Variants in KLC3 observed in about 807,000 individuals in gnomAD.
KLC3 encodes kinesin light chain 3, also known as kinesin light chain 2.
KLC3 carries 72 observed loss-of-function variants against 62.9 expected under a neutral mutation model. The observed-to-expected ratio is 1.15, with a 90% CI of 0.95 to 1.39. The LOEUF is 1.39. KLC3 is among the 40% of genes most tolerant of loss of function. KLC3 has a pLI of 0.00. For missense variants in KLC3, 848 were observed against 691.6 expected (o/e 1.23, Z -2.54); for synonymous variants, 377 against 300.5 (o/e 1.25, Z -2.63).
chr19:45,342,564 G>A lies in KLC3; in HGVS notation c.-9+1718G>A, dbSNP rs531313660. 1.8e-3 allele frequency among the ~76,000 whole-genome samples: 278 copies of A among 152,260 alleles called. 1 individual carries two copies. The highest frequency in any genetic ancestry group is 6.5e-3 in the African/African-American group (270 of 41,562). ...GTGGATCATTTGAGGTCAGGAGTTT[G>A]AGACCAGCCCGGCCAACATGGTGAA... On this transcript the variant is annotated intron_variant, in intron 1 of 12. Coordinates refer to ENST00000391946, the MANE Select transcript of KLC3 (RefSeq NM_177417.3).
intron 12 of KLC3, 28 bp downstream of exon 12, chr19:45,351,045 G>A (rs1189623081): frequency 6.2e-7 from 1 of 1,613,920 alleles, no homozygotes; most frequent in African/African-American, 1.3e-5. Flanking sequence ...GTCAAAAATA[G>A]AGGAGGCCAT....
intron 5 of KLC3, 57 bp downstream of exon 5, chr19:45,348,217 C>A: frequency 6.9e-7 from 1 of 1,451,752 alleles, no homozygotes; most frequent in Non-Finnish European, 9.4e-7. Flanking sequence ...CCATTGGGTG[C>A]AAGTGGAAGG....
At chr19:45,347,920 A>AG in intron 4 of KLC3, 21 bp from the exon 5 acceptor site, 1 of 1,572,502 alleles carries the variant, frequency 6.4e-7, no homozygotes, top group Non-Finnish European at 8.7e-7. Flanking sequence ...AGTGACCCAG[A>AG]GCCCACCCCA....
At chr19:45,347,559 G>A (rs1436926893) in intron 4 of KLC3, 43 bp downstream of exon 4, 1 of 1,551,702 alleles carries the variant, frequency 6.4e-7, no homozygotes, top group South Asian at 1.2e-5. Context: ...GCAGGCCAGG[G>A]TGGGGAGGGG....
In KLC3 at chr19:45,350,061, G is replaced by A. The variant is rs897317240; in HGVS notation, c.1144-280G>A. On this transcript the variant is annotated intron_variant, in intron 8 of 12. Transcript: ENST00000391946. ...CATCCCCAGGGCAGGAAGTAAGGCC[G>A]AGCTCCAAACCCACTCTGCCCCAGG... The A allele has an allele frequency of 2.7e-4, 128 of 479,748 alleles. 2 individuals are homozygous for A. The highest frequency in any genetic ancestry group is 3.9e-4 in the Non-Finnish European group (105 of 267,630). 29.7% of individuals were successfully genotyped at this position (479,748 alleles called of 1,614,324 possible).
intron 1 of KLC3, among the ~76,000 whole-genome samples, chr19:45,341,572 T>C (rs1417078286): frequency 7.1e-5 from 9 of 127,218 alleles, no homozygotes; most frequent in South Asian, 5.5e-4. Flanking sequence ...TGTGTGTGTG[T>C]GTGTGTGCGC....
chr19:45,342,611 C>G (rs1362003976), intron 1 of KLC3, among the ~76,000 whole-genome samples: 1 of 151,860 alleles, frequency 6.6e-6, no homozygotes, highest in Non-Finnish European at 1.5e-5. Context: ...ACTAAAAATA[C>G]AAAAATTAGC....
Position 45,345,780 on chromosome 19 carries a change from T to TG in KLC3, c.243dup (p.Leu82AlafsTer85), listed in dbSNP as rs1971476805. ...AGCCACTCGCTGGAGGCCATCGAGC[T>TG]GGGGCTGGGCGAGGCCCAGGTATGA... On this transcript the variant is annotated frameshift_variant, in exon 2 of 13. Coordinates refer to ENST00000391946, the MANE Select transcript of KLC3 (RefSeq NM_177417.3). LOFTEE classifies it high-confidence loss of function. 9 of 1,533,764 alleles carry TG rather than the reference T, an allele frequency of 5.9e-6. No homozygotes were observed. The highest frequency in any genetic ancestry group is 2.0e-5 in the Admixed American group (1 of 49,508).
intron 7 of KLC3, 120 bp from the exon 8 acceptor site, chr19:45,349,309 T>G: frequency 2.9e-6 from 3 of 1,037,526 alleles, no homozygotes; most frequent in Non-Finnish European, 4.2e-6. Flanking sequence ...GCCCCCAACC[T>G]CTCAGGTCAC....
rs1436818341 is a variant in KLC3 at position 45,350,383 on chromosome 19, G to A, written c.1186G>A (p.Glu396Lys). The change falls in exon 9 of 13, where the codon GAG (glutamate) becomes AAG (lysine). Residue 396 changes from glutamate to lysine, a missense_variant. Coordinates refer to ENST00000391946, the MANE Select transcript of KLC3 (RefSeq NM_177417.3). ...LKQNKYQQAEELYKEILHKED... is the reference protein window; with the variant it reads ...LKQNKYQQAEKLYKEILHKED... ...ACAGAACAAGTATCAACAAGCGGAA[G>A]AGCTGTACAAAGAAATCCTCCACAA... 6 of 1,613,758 alleles carry A rather than the reference G, an allele frequency of 3.7e-6. No individual in the cohort carries two copies. Among genetic ancestry groups the A allele is most frequent in the South Asian group, 3.3e-5 (3 of 91,042 alleles).
At chr19:45,350,809 C>A in intron 11 of KLC3, 62 bp downstream of exon 11, 1 of 1,364,840 alleles carries the variant, frequency 7.3e-7, no homozygotes, top group South Asian at 1.3e-5. Flanking sequence ...CCCACCCCAC[C>A]CCCACCCCCA....
intron 12 of KLC3, 77 bp downstream of exon 12, chr19:45,351,094 G>C (rs752696030): frequency 1.2e-6 from 2 of 1,611,068 alleles, no homozygotes; most frequent in Admixed American, 1.7e-5. Flanking sequence ...CAGGGCGGTC[G>C]GGCCAGTGGT....
At position 45,347,513 on chromosome 19, in the gene KLC3, A is replaced by T. The variant is rs1971532410; in HGVS notation, c.556A>T (p.Lys186Ter). ...GTTCCCCAGCGAGGAGGAGGAGAGG[A>T]AAGGTGGGTGTTGGGAGTACATGCC... ...SLFPSEEEER[K>*]GPEAAGAAAA... Residue 186 changes from lysine (K) to a stop codon, truncating the protein, a stop_gained, in exon 4 of 13, where the codon AAA (lysine) becomes TAA (stop). Coordinates refer to ENST00000391946, the MANE Select transcript of KLC3 (RefSeq NM_177417.3). LOFTEE classifies it high-confidence loss of function. 1 of 1,611,244 alleles carries T rather than the reference A, an allele frequency of 6.2e-7. No homozygotes were observed. Among genetic ancestry groups the T allele is most frequent in the Non-Finnish European group, 8.5e-7 (1 of 1,178,836 alleles).
In KLC3 at chr19:45,351,338, A is replaced by C. The variant is rs1244840977; in HGVS notation, c.1496A>C (p.Gln499Pro). The change falls in exon 13 of 13, where the codon CAG becomes CCG. Residue 499 changes from glutamine (Q) to proline (P), a missense_variant. Coordinates refer to ENST00000391946, the MANE Select transcript of KLC3 (RefSeq NM_177417.3). ...CCTCGGACCCTCAGCGCCAGCACCC[A>C]GGACCTGAGCCCCCACTAACGTCCA... ...KAPRTLSAST[Q>P]DLSPH 8 of 1,611,738 alleles carry C rather than the reference A, an allele frequency of 5.0e-6. No individual in the cohort carries two copies. In the Admixed American group the frequency reaches 1.3e-4, roughly 27 times the overall value.
At chr19:45,349,176 C>T (rs546028448) in intron 7 of KLC3, among the ~76,000 whole-genome samples, 99 of 152,166 alleles carry the variant, frequency 6.5e-4, no homozygotes, top group Non-Finnish European at 1.1e-3. Context: ...CCTTTCCAAC[C>T]CCTCATGGCC....
intron 1 of KLC3, among the ~76,000 whole-genome samples, chr19:45,342,666 T>C (rs924403841): frequency 6.6e-6 from 1 of 151,442 alleles, no homozygotes; most frequent in African/African-American, 2.4e-5. Flanking sequence ...CTTGGGAGGG[T>C]GAGGGAGGAG....
chr19:45,350,154 G>A lies in KLC3; in HGVS notation c.1144-187G>A, dbSNP rs2123201331. The A allele has an allele frequency of 8.4e-6, 5 of 597,114 alleles. No homozygotes were observed. In the East Asian group the frequency reaches 1.4e-4, roughly 17 times the overall value. The allele number at this position is 597,114 out of a possible 1,614,324, so 37.0% of individuals were successfully genotyped here. On this transcript the variant is annotated intron_variant, in intron 8 of 12. Transcript: ENST00000391946. ...TTAGAAAGTGGGGCCAGACGTGGTG[G>A]TTCACGCTTGTAACCCCAACACTTT...
chr19:45,349,629 C>A, intron 8 of KLC3, 27 bp downstream of exon 8: 1 of 1,518,094 alleles, frequency 6.6e-7, no homozygotes. Context: ...TCAGAGTGGG[C>A]CAAGAGTGGA....
chr19:45,347,201 G>T, intron 3 of KLC3: 1 of 500,408 alleles, frequency 2.0e-6, no homozygotes, highest in Non-Finnish European at 3.6e-6. Flanking sequence ...AATTAGCCGG[G>T]TGTGGTGGCA....
Sources: allele counts gnomAD v4.1 joint callset (sites outside exome capture counted in the v4.1 genomes callset), GRCh38; gene constraint gnomAD v4.1.1; transcripts MANE v1.5; gene names NCBI Gene and HGNC (gene_info 2026-07-23, HGNC 2026-07-21).